The following ERCC3 variants were observed in gnomAD, a reference collection of about 807,000 sequenced individuals.
The protein encoded by ERCC3 is general transcription and DNA repair factor IIH helicase/translocase subunit XPB.
A neutral mutation model predicts 94.2 loss-of-function variants in ERCC3; 66 were observed. The observed-to-expected ratio is 0.70, with a 90% CI of 0.57 to 0.86. The LOEUF is 0.86. Ranked by LOEUF, ERCC3 falls within the 40% of genes least tolerant of loss-of-function variation. The pLI is 0.00. For missense variants in ERCC3, 829 were observed against 987.1 expected, an observed-to-expected ratio of 0.84 and a Z score of 2.15; for synonymous variants, 349 against 369.1, an observed-to-expected ratio of 0.95 and a Z score of 0.63.
rs2104783364 is a variant in ERCC3, at chr2:127,293,695, G to A, written c.52C>T (p.His18Tyr). 6.2e-7 allele frequency: 1 copy of A among 1,613,186 alleles called. No homozygotes were observed. The highest frequency in any genetic ancestry group is 2.2e-5 in the East Asian group (1 of 44,876). ...TCATCATCCTCTTCATCCTCATAGT[G>A]CCGCTTCCTGGATTTCTTCTTGTCT... ...DRDKKKSRKR[H>Y]YEDEEDDEED... The change falls in exon 2 of 15, where the codon CAC becomes TAC. Residue 18 changes from histidine (H) to tyrosine (Y), a missense_variant. Coordinates refer to ENST00000285398, the MANE Select transcript of ERCC3 (RefSeq NM_000122.2).
chr2:127,268,027 C>T (rs933263620), intron 12 of ERCC3, among the ~76,000 whole-genome samples: 11 of 152,012 alleles, frequency 7.2e-5, no homozygotes, highest in African/African-American at 2.7e-4. Context: ...AATCTCGGCT[C>T]ACTGAAACCT....
Position 127,258,767 on chromosome 2 carries a change from T to C in ERCC3, c.2217+529A>G, listed in dbSNP as rs961283245. 6.6e-6 allele frequency among the ~76,000 whole-genome samples: 1 copy of C among 152,260 alleles called. No individual in the cohort carries two copies. Among genetic ancestry groups the C allele is most frequent in the Admixed American group, 6.5e-5 (1 of 15,290 alleles). On this transcript the variant is annotated intron_variant, in intron 14 of 14. Transcript: ENST00000285398. This position sits in a 1 kb window ranked among gnomAD's most constrained non-coding sequence, Gnocchi z 4.1. ...ACTTGGCCTAGAGCAGGCATATTTG[T>C]AGAATAAATGAAAGGTTGAGTATTT...
intron 10 of ERCC3, 32 bp from the exon 11 acceptor site, chr2:127,272,993 GAATAATGCCTCAGTTATCTTGA>G: frequency 7.7e-7 from 1 of 1,297,856 alleles, no homozygotes. Context: ...TTAGACCACA[GAATAATGCCTCAGTTATCTTGA>G]AAACACATCA....
rs1167308717 is a variant in ERCC3 at position 127,280,306 on chromosome 2, G to A, written c.1527+141C>T. ...TGGGTCTAGTACCACCCAACCACAG[G>A]GTGACTGAGGATCCTGTATGAAGTG... On this transcript the variant is annotated intron_variant, in intron 9 of 14. Coordinates refer to ENST00000285398, the MANE Select transcript of ERCC3 (RefSeq NM_000122.2). This position sits in a 1 kb window ranked among gnomAD's most constrained non-coding sequence, Gnocchi z 6.3. The A allele has an allele frequency of 1.5e-5, 12 of 781,092 alleles. No homozygotes were observed. Among genetic ancestry groups the A allele is most frequent in the Non-Finnish European group, 2.4e-5 (11 of 449,022 alleles). The allele number at this position is 781,092 out of a possible 1,614,324, so 48.4% of individuals were successfully genotyped here. A position where few individuals can be genotyped will look rare whatever the true frequency, so the allele number is the denominator to read the frequency against.
At chr2:127,263,205 G>A (rs973482186) in intron 12 of ERCC3, among the ~76,000 whole-genome samples, 1 of 152,152 alleles carries the variant, frequency 6.6e-6, no homozygotes, top group Non-Finnish European at 1.5e-5. Context: ...AAATGATGTT[G>A]GCAATTTGAT....
chr2:127,287,783 AC>A (rs1414952378), intron 7 of ERCC3, among the ~76,000 whole-genome samples: 1 of 152,138 alleles, frequency 6.6e-6, no homozygotes, highest in African/African-American at 2.4e-5. Context: ...TACACAGCAA[AC>A]GGGGCTGAGA....
chr2:127,293,943 G>T, intron 1 of ERCC3, 111 bp downstream of exon 1: 1 of 1,537,956 alleles, frequency 6.5e-7, no homozygotes. Flanking sequence ...GGTGCGCGCG[G>T]GAGGGCCAGC....
At chr2:127,281,087 C>A in intron 8 of ERCC3, 1 of 409,580 alleles carries the variant, frequency 2.4e-6, no homozygotes, top group Non-Finnish European at 4.3e-6. Flanking sequence ...GTACAGATGG[C>A]AATTTGAAAT....
intron 11 of ERCC3, 139 bp downstream of exon 11, chr2:127,272,726 T>C: frequency 1.5e-6 from 1 of 680,838 alleles, no homozygotes; most frequent in Non-Finnish European, 2.7e-6. Context: ...GTGCCCCCTA[T>C]CCCTGGACAT....
At chr2:127,265,753 T>C (rs1465715622) in intron 12 of ERCC3, among the ~76,000 whole-genome samples, 1 of 152,222 alleles carries the variant, frequency 6.6e-6, no homozygotes, top group African/African-American at 2.4e-5. Context: ...TTTTATTTCA[T>C]TGATCCTTTG....
intron 12 of ERCC3, among the ~76,000 whole-genome samples, chr2:127,270,825 T>C (rs1684523857): frequency 6.6e-6 from 1 of 152,180 alleles, no homozygotes; most frequent in African/African-American, 2.4e-5. Flanking sequence ...ATGAGGATTC[T>C]CACCTCCTCA....
intron 12 of ERCC3, among the ~76,000 whole-genome samples, chr2:127,268,765 G>A (rs1348890939): frequency 6.6e-6 from 1 of 152,178 alleles, no homozygotes; most frequent in African/African-American, 2.4e-5. Flanking sequence ...TGTACAGCAG[G>A]AAGAGTCATT....
chr2:127,288,088 G>A (rs534433759), intron 7 of ERCC3, among the ~76,000 whole-genome samples: 5 of 152,292 alleles, frequency 3.3e-5, no homozygotes, highest in African/African-American at 1.2e-4. Context: ...GGGGTCCCAA[G>A]GTGAGTCTGC....
chr2:127,280,771 C>T lies in ERCC3; in HGVS notation c.1343-140G>A, dbSNP rs750637293. 3.6e-5 allele frequency: 27 copies of T among 753,744 alleles called. No individual in the cohort carries two copies. The highest frequency in any genetic ancestry group is 5.8e-5 in the Non-Finnish European group (26 of 449,824). The allele number at this position is 753,744 out of a possible 1,614,324, so 46.7% of individuals were successfully genotyped here. A position where few individuals can be genotyped will look rare whatever the true frequency, so the allele number is the denominator to read the frequency against. On this transcript the variant is annotated intron_variant, in intron 8 of 14. Coordinates refer to ENST00000285398, the MANE Select transcript of ERCC3 (RefSeq NM_000122.2). This position sits in a 1 kb window ranked among gnomAD's most constrained non-coding sequence, Gnocchi z 6.3. ...TGAACTCCTGGCCTCAAGCAATCCCCCTGCCTTCGCCTCCCAAAGTGCTGG... is the reference window on the plus strand; with the variant it reads ...TGAACTCCTGGCCTCAAGCAATCCCTCTGCCTTCGCCTCCCAAAGTGCTGG...
At chr2:127,293,942 G>A in intron 1 of ERCC3, 112 bp downstream of exon 1, 1 of 1,537,108 alleles carries the variant, frequency 6.5e-7, no homozygotes, top group Non-Finnish European at 8.7e-7. Context: ...GGGTGCGCGC[G>A]GGAGGGCCAG....
rs1485004893 is a variant in ERCC3 at position 127,271,198 on chromosome 2, G to GTC, written c.1945+136_1945+137dup. On this transcript the variant is annotated intron_variant, in intron 12 of 14. Coordinates refer to ENST00000285398, the MANE Select transcript of ERCC3 (RefSeq NM_000122.2). This position sits in a 1 kb window ranked among gnomAD's most constrained non-coding sequence, Gnocchi z 5.0. ...ATAATGATGGGCCATAAGGATCTAG[G>GTC]TCTTTGCTTTGGGATTCTCTCCCTC... is the stretch of plus-strand genomic sequence containing the variant. 4.0e-6 allele frequency: 3 copies of GTC among 759,032 alleles called. No individual in the cohort carries two copies. Among genetic ancestry groups the GTC allele is most frequent in the African/African-American group, 3.4e-5 (2 of 58,494 alleles). 47.0% of individuals were successfully genotyped at this position (759,032 alleles called of 1,614,324 possible). A position where few individuals can be genotyped will look rare whatever the true frequency, so the allele number is the denominator to read the frequency against.
Position 127,261,416 on chromosome 2 carries a change from T to G in ERCC3, c.1946-70A>C, listed in dbSNP as rs56221313. On this transcript the variant is annotated intron_variant, in intron 12 of 14. Transcript: ENST00000285398. Reference sequence around the variant, plus strand: ...CCATTAGAATGCCAAGAGCTAAGGGTCCCAGGCTCAAAAGCAAGCACTGGA... The same window carrying G: ...CCATTAGAATGCCAAGAGCTAAGGGGCCCAGGCTCAAAAGCAAGCACTGGA... 5.8e-4 allele frequency: 576 copies of G among 996,874 alleles called. 2 individuals carry two copies. The African/African-American group carries it at 7.6e-3, about 13-fold the overall frequency. The allele number at this position is 996,874 out of a possible 1,614,324, so 61.8% of individuals were successfully genotyped here.
intron 12 of ERCC3, among the ~76,000 whole-genome samples, chr2:127,267,048 G>A (rs1241582412): frequency 6.6e-6 from 1 of 152,192 alleles, no homozygotes; most frequent in African/African-American, 2.4e-5. Flanking sequence ...TATTCTGGGG[G>A]CAGATGAGAA....
rs761826483 is a variant in ERCC3, at chr2:127,286,713, G to A, written c.1332C>T (p.His444=). ...CTCCAGCCTGCTTACCTGGTATGGT[G>A]TGCACTTCATCCAGGATCATGAGGC... ...EWGLMILDEV[H]TIPAKMFRRV... The change falls in exon 8 of 15, where the codon CAC becomes CAT. Residue 444 remains histidine (H), a synonymous_variant. Coordinates refer to ENST00000285398, the MANE Select transcript of ERCC3 (RefSeq NM_000122.2). The A allele has an allele frequency of 1.5e-5, 24 of 1,613,738 alleles. No homozygotes were observed. In the East Asian group the frequency reaches 4.9e-4, roughly 33 times the overall value.
Sources: allele counts gnomAD v4.1 joint callset (sites outside exome capture counted in the v4.1 genomes callset), GRCh38; gene constraint gnomAD v4.1.1; non-coding constraint Gnocchi (gnomAD v3.1); transcripts MANE v1.5; gene names NCBI Gene and HGNC (gene_info 2026-07-23, HGNC 2026-07-21).